GNB5: variants seen among roughly 807,000 people sequenced by gnomAD.
GNB5 encodes G protein subunit beta 5, also known as guanine nucleotide-binding protein subunit beta-5.
Under a neutral mutation model 55.3 loss-of-function variants are expected in GNB5, and 37 were observed. The observed-to-expected ratio is 0.67, with a 90% CI of 0.51 to 0.88. The LOEUF (loss-of-function observed/expected upper bound fraction) is 0.88. Ranked by LOEUF, GNB5 falls within the 40% of genes least tolerant of loss-of-function variation. The pLI is 0.00. For missense variants in GNB5, 476 were observed against 515.3 expected, an observed-to-expected ratio of 0.92 and a Z score of 0.74; for synonymous variants, 219 against 198.5, an observed-to-expected ratio of 1.10 and a Z score of -0.87.
chr15:52,174,979 A>C (rs1407314893), intron 3 of GNB5, among the ~76,000 whole-genome samples: 2 of 152,134 alleles, frequency 1.3e-5, no homozygotes, highest in Non-Finnish European at 2.9e-5. Context: ...GGGCCGAGGG[A>C]GGAGAATTGC....
chr15:52,148,742 G>C (rs900772489), intron 5 of GNB5, among the ~76,000 whole-genome samples: 1 of 152,196 alleles, frequency 6.6e-6, no homozygotes, highest in Non-Finnish European at 1.5e-5. Flanking sequence ...AATACTGTCT[G>C]CCCAAATACT....
chr15:52,162,461 C>T (rs1418931568), intron 3 of GNB5, among the ~76,000 whole-genome samples: 1 of 152,016 alleles, frequency 6.6e-6, no homozygotes, highest in Non-Finnish European at 1.5e-5. Flanking sequence ...AATGAAAAAA[C>T]AAGGAACCAA....
chr15:52,143,378 G>A (rs1015585660), intron 6 of GNB5, among the ~76,000 whole-genome samples: 3 of 152,072 alleles, frequency 2.0e-5, no homozygotes, highest in African/African-American at 2.4e-5. Context: ...ATCCAGTGTC[G>A]AATCTCTGCT....
At chr15:52,168,338 A>G (rs2034490429) in intron 3 of GNB5, among the ~76,000 whole-genome samples, 1 of 151,982 alleles carries the variant, frequency 6.6e-6, no homozygotes, top group Non-Finnish European at 1.5e-5. Context: ...AAATCACTAG[A>G]GAGCCAAATC....
chr15:52,153,110 C>T (rs1768828224), intron 4 of GNB5, among the ~76,000 whole-genome samples: 1 of 152,220 alleles, frequency 6.6e-6, no homozygotes, highest in Admixed American at 6.5e-5. Flanking sequence ...TTCTGTGTGA[C>T]CAACAGAATA....
chr15:52,161,042 C>T (rs538337457), intron 3 of GNB5, among the ~76,000 whole-genome samples: 68 of 152,212 alleles, frequency 4.5e-4, no homozygotes, highest in Admixed American at 3.2e-3. Context: ...TCCTGGGTGA[C>T]GGGCACTGGG....
chr15:52,173,177 T>C (rs555913374), intron 3 of GNB5, among the ~76,000 whole-genome samples: 1 of 152,162 alleles, frequency 6.6e-6, no homozygotes, highest in East Asian at 1.9e-4. Flanking sequence ...AATAAATGAA[T>C]GAAAGTAATT....
Position 52,126,827 on chromosome 15 carries a change from G to A in GNB5, c.913-783C>T, listed in dbSNP as rs533896020. ...ATATTTTATTTTGAAATGGAATTTC[G>A]CTCGTCACCCAGGCTGGAGTGCAAT... On this transcript the variant is annotated intron_variant, in intron 10 of 12. Transcript: ENST00000261837. Among the ~76,000 whole-genome samples the A allele has an allele frequency of 2.5e-4, 38 of 152,040 alleles. No individual in the cohort carries two copies. The South Asian group carries it at 6.5e-3, about 26-fold the overall frequency.
At chr15:52,144,948 G>C (rs1163378981) in intron 6 of GNB5, among the ~76,000 whole-genome samples, 1 of 152,164 alleles carries the variant, frequency 6.6e-6, no homozygotes, top group African/African-American at 2.4e-5. Context: ...TCCTTTGGTT[G>C]GTTCTAATTT....
At chr15:52,124,738 G>T (rs145001318) in intron 11 of GNB5, 99 bp from the exon 12 acceptor site, 2 of 1,013,474 alleles carry the variant, frequency 2.0e-6, no homozygotes, top group Non-Finnish European at 1.5e-6. Context: ...AGTGATTCAG[G>T]CGCACTGAGT....
chr15:52,134,915 C>T (rs568848368), intron 8 of GNB5, among the ~76,000 whole-genome samples: 1 of 152,184 alleles, frequency 6.6e-6, no homozygotes, highest in African/African-American at 2.4e-5. Context: ...CTTCCATCTA[C>T]TGCTTGTACC....
intron 8 of GNB5, among the ~76,000 whole-genome samples, chr15:52,133,971 A>G (rs937248304): frequency 1.3e-5 from 2 of 152,320 alleles, no homozygotes; most frequent in Admixed American, 1.3e-4. Context: ...GCAAAGCTGG[A>G]GAGCCAGGTG....
At chr15:52,150,796 G>A (rs986656308) in intron 4 of GNB5, among the ~76,000 whole-genome samples, 1 of 152,218 alleles carries the variant, frequency 6.6e-6, no homozygotes, top group Non-Finnish European at 1.5e-5. Context: ...GCAGTCCTCT[G>A]CCCAGACCAT....
Position 52,125,997 on chromosome 15 carries a change from G to A in GNB5, c.960C>T (p.Ser320=). The A allele has an allele frequency of 6.3e-7, 1 of 1,588,664 alleles. No homozygotes were observed. The change falls in exon 11 of 13, where the codon TCC becomes TCT. Residue 320 remains serine (S), a synonymous_variant. Transcript: ENST00000261837. ...LRADREVAIY[S]KESIIFGASS... ...ATGCTCCAAATATGATGCTTTCTTT[G>A]GAATAGATGGCAACCTCCCTATCTG...
chr15:52,135,884 C>G (rs1596063529), intron 7 of GNB5, 128 bp from the exon 8 acceptor site: 3 of 732,108 alleles, frequency 4.1e-6, no homozygotes, highest in East Asian at 5.4e-5. Flanking sequence ...CACACACACA[C>G]ACACACACAC....
At position 52,118,586 on chromosome 15, in the gene GNB5, A is replaced by T. The variant is rs2033189589; in HGVS notation, c.*4171T>A. The T allele has an allele frequency of 1.3e-5, 2 of 152,174 alleles. No homozygotes were observed. Among genetic ancestry groups the T allele is most frequent in the Admixed American group, 1.3e-4 (2 of 15,270 alleles). 9.4% of individuals were successfully genotyped at this position (152,174 alleles called of 1,614,324 possible). A position where few individuals can be genotyped will look rare whatever the true frequency, so the allele number is the denominator to read the frequency against. On this transcript the variant is annotated 3_prime_UTR_variant, in exon 13 of 13. Coordinates refer to ENST00000261837, the MANE Select transcript of GNB5 (RefSeq NM_016194.4). ...GGTCCTCAATAACTTTTAAGGGTGT[A>T]GGCTGGGCACGGTGGCTTACACCTG...
chr15:52,165,910 A>G (rs557982777), intron 3 of GNB5, among the ~76,000 whole-genome samples: 3 of 152,350 alleles, frequency 2.0e-5, no homozygotes, highest in African/African-American at 7.2e-5. Flanking sequence ...AGCTGGATCG[A>G]GTCCAGACTC....
At chr15:52,127,723 A>T (rs1030143815) in intron 10 of GNB5, among the ~76,000 whole-genome samples, 5 of 152,068 alleles carry the variant, frequency 3.3e-5, no homozygotes, top group Non-Finnish European at 7.4e-5. Flanking sequence ...AAGCCTTAAA[A>T]CTGGGTCTAT....
intron 3 of GNB5, among the ~76,000 whole-genome samples, chr15:52,156,685 G>A (rs972067587): frequency 6.6e-6 from 1 of 152,146 alleles, no homozygotes; most frequent in African/African-American, 2.4e-5. Flanking sequence ...GGCAGAGGTC[G>A]CAGTGAGCTG....
Sources: gnomAD v4.1 joint callset for allele counts (sites outside exome capture counted in the v4.1 genomes callset) on GRCh38, gnomAD v4.1.1 for gene constraint, MANE v1.5 for transcripts, NCBI Gene and HGNC (gene_info 2026-07-23, HGNC 2026-07-21) for gene names.